FGF12: variants seen among roughly 807,000 people sequenced by gnomAD.
The protein encoded by FGF12 is fibroblast growth factor 12.
Under a neutral mutation model 23.6 loss-of-function variants are expected in FGF12, and 14 were observed. The ratio of observed to expected loss-of-function variants is 0.59; its 90% CI spans 0.39 to 0.93. The LOEUF (loss-of-function observed/expected upper bound fraction) is 0.93, where lower values mean the gene tolerates loss of function less well. FGF12 is among the 40% of genes least tolerant of loss of function. The pLI, the probability that FGF12 is intolerant of heterozygous loss-of-function variation, is 0.00. For synonymous variants in FGF12, 62 were observed against 77.3 expected (o/e 0.80, Z 1.04); for missense variants, 175 against 217.8 (o/e 0.80, Z 1.24).
intron 4 of FGF12, among the ~76,000 whole-genome samples, chr3:192,267,966 C>T (rs1713184606): frequency 1.3e-5 from 2 of 152,162 alleles, no homozygotes; most frequent in African/African-American, 4.8e-5. Flanking sequence ...TGCTTGACCT[C>T]CCACTTTGTA....
chr3:192,707,013 G>C (rs1054930347), intron 2 of FGF12, among the ~76,000 whole-genome samples: 1 of 152,166 alleles, frequency 6.6e-6, no homozygotes, highest in Non-Finnish European at 1.5e-5. Flanking sequence ...TCACAGAAAT[G>C]AATGTCCAGA....
At chr3:192,726,435 G>T (rs761697112) in intron 2 of FGF12, among the ~76,000 whole-genome samples, 1 of 152,114 alleles carries the variant, frequency 6.6e-6, no homozygotes, top group Non-Finnish European at 1.5e-5. Flanking sequence ...CTAATCTTGT[G>T]GTTAGAATAG....
chr3:192,145,560 T>C (rs777143807), intron 5 of FGF12, among the ~76,000 whole-genome samples: 1 of 152,210 alleles, frequency 6.6e-6, no homozygotes, highest in South Asian at 2.1e-4. Flanking sequence ...TCAGGTGATG[T>C]TGATGCTGAT....
intron 2 of FGF12, among the ~76,000 whole-genome samples, chr3:192,475,614 A>G (rs1723295981): frequency 6.6e-6 from 1 of 152,238 alleles, no homozygotes; most frequent in Non-Finnish European, 1.5e-5. Flanking sequence ...CAAACAGAAA[A>G]AGCCAGAGTG....
chr3:192,422,057 A>ATT (rs200686070), intron 2 of FGF12, among the ~76,000 whole-genome samples: 99 of 150,028 alleles, frequency 6.6e-4, no homozygotes, highest in African/African-American at 2.3e-3. Context: ...GGCTTTTGGT[A>ATT]TTTTTTTTTC....
intron 2 of FGF12, among the ~76,000 whole-genome samples, chr3:192,658,609 C>T (rs1418019072): frequency 1.3e-5 from 2 of 152,010 alleles, no homozygotes; most frequent in Admixed American, 1.3e-4. Context: ...AATAGGTTAG[C>T]TTGAGAATAA....
intron 4 of FGF12, among the ~76,000 whole-genome samples, chr3:192,263,994 C>T (rs1180271256): frequency 6.6e-6 from 1 of 152,004 alleles, no homozygotes; most frequent in African/African-American, 2.4e-5. Flanking sequence ...TTAAAGCAAA[C>T]TTTCCTTACT....
chr3:192,567,373 G>A (rs546396075), intron 2 of FGF12, among the ~76,000 whole-genome samples: 1 of 152,126 alleles, frequency 6.6e-6, no homozygotes, highest in Non-Finnish European at 1.5e-5. Flanking sequence ...GAAAAGATAA[G>A]GAAAGGGAAA....
intron 2 of FGF12, among the ~76,000 whole-genome samples, chr3:192,371,002 T>A (rs956264804): frequency 3.3e-5 from 5 of 152,190 alleles, no homozygotes; most frequent in African/African-American, 1.2e-4. Flanking sequence ...CTTTTAAGAA[T>A]CTCTGTTCAT....
At chr3:192,500,482 A>G (rs1052721831) in intron 2 of FGF12, among the ~76,000 whole-genome samples, 19 of 152,162 alleles carry the variant, frequency 1.2e-4, no homozygotes, top group African/African-American at 4.3e-4. Flanking sequence ...GCAATTTCTC[A>G]GCAGATGCTA....
chr3:192,240,881 AC>A (rs1719583625), intron 4 of FGF12, among the ~76,000 whole-genome samples: 1 of 152,214 alleles, frequency 6.6e-6, no homozygotes, highest in Admixed American at 6.5e-5. Flanking sequence ...AAAGCAACTA[AC>A]CTAAAGGGTA....
chr3:192,559,034 T>C (rs982218220), intron 2 of FGF12, among the ~76,000 whole-genome samples: 1 of 151,880 alleles, frequency 6.6e-6, no homozygotes, highest in Non-Finnish European at 1.5e-5. Flanking sequence ...TCATATCGCT[T>C]TTCACAAGGA....
chr3:192,321,336 G>C (rs1577351165), intron 4 of FGF12, among the ~76,000 whole-genome samples: 1 of 151,854 alleles, frequency 6.6e-6, no homozygotes, highest in East Asian at 1.9e-4. Context: ...AAGAAACTTA[G>C]TTCCAGGACT....
At chr3:192,652,088 C>T (rs537819268) in intron 2 of FGF12, among the ~76,000 whole-genome samples, 9 of 152,316 alleles carry the variant, frequency 5.9e-5, no homozygotes, top group Admixed American at 2.6e-4. Context: ...AAACCTCACA[C>T]GATCCCTGCC....
At chr3:192,490,616 A>G (rs1577015085) in intron 2 of FGF12, among the ~76,000 whole-genome samples, 1 of 152,216 alleles carries the variant, frequency 6.6e-6, no homozygotes, top group Non-Finnish European at 1.5e-5. Context: ...CATAGAAAAC[A>G]CTATTCATAA....
At chr3:192,455,954 T>G (rs1324913291) in intron 2 of FGF12, among the ~76,000 whole-genome samples, 1 of 152,128 alleles carries the variant, frequency 6.6e-6, no homozygotes, top group Non-Finnish European at 1.5e-5. Flanking sequence ...AGCAAAGTGG[T>G]TAATAAGTGG....
intron 2 of FGF12, among the ~76,000 whole-genome samples, chr3:192,707,143 A>G (rs1471488855): frequency 6.6e-6 from 1 of 152,208 alleles, no homozygotes; most frequent in Non-Finnish European, 1.5e-5. Context: ...CAGAAATCCC[A>G]GGTTATCTTC....
chr3:192,299,366 C>G (rs1005198010), intron 4 of FGF12, among the ~76,000 whole-genome samples: 1 of 152,160 alleles, frequency 6.6e-6, no homozygotes, highest in Non-Finnish European at 1.5e-5. Flanking sequence ...CTGTGATTAC[C>G]ATACAAATTG....
chr3:192,567,979 C>G (rs1450572921), intron 2 of FGF12, among the ~76,000 whole-genome samples: 1 of 151,690 alleles, frequency 6.6e-6, no homozygotes, highest in Non-Finnish European at 1.5e-5. Flanking sequence ...ATTACAGGCA[C>G]CAGCCATCAT....
Sources: gnomAD v4.1 joint callset for allele counts (sites outside exome capture counted in the v4.1 genomes callset) on GRCh38, gnomAD v4.1.1 for gene constraint, MANE v1.5 for transcripts, NCBI Gene and HGNC (gene_info 2026-07-23, HGNC 2026-07-21) for gene names.